The following ASTN1 variants were observed in gnomAD, a reference collection of about 807,000 sequenced individuals.
ASTN1 encodes the protein astrotactin 1, also known as astrotactin-1.
A neutral mutation model predicts 140.7 loss-of-function variants in ASTN1; 41 were observed. That is an observed-to-expected ratio of 0.29 (90% CI 0.23 to 0.38). ASTN1 has a LOEUF of 0.38. Ranked by LOEUF, ASTN1 falls within the 10% of genes least tolerant of loss-of-function variation. The pLI, the probability that ASTN1 is intolerant of heterozygous loss-of-function variation, is 1.00. For missense variants in ASTN1, 1,479 were observed against 1,678.8 expected (o/e 0.88, Z 2.08); for synonymous variants, 640 against 652.2 (o/e 0.98, Z 0.29).
At chr1:177,064,444 TA>T (rs1389562893) in intron 1 of ASTN1, among the ~76,000 whole-genome samples, 1 of 152,186 alleles carries the variant, frequency 6.6e-6, no homozygotes, top group African/African-American at 2.4e-5. Flanking sequence ...CCATACCTAT[TA>T]GCAGTCCAAG....
intron 1 of ASTN1, among the ~76,000 whole-genome samples, chr1:177,156,606 A>G (rs1185355085): frequency 6.6e-6 from 1 of 152,234 alleles, no homozygotes; most frequent in Non-Finnish European, 1.5e-5. Context: ...GGAAGAAAAG[A>G]AAAAATTCTC....
intron 8 of ASTN1, among the ~76,000 whole-genome samples, chr1:177,006,872 G>A (rs1408469045): frequency 6.6e-6 from 1 of 152,154 alleles, no homozygotes; most frequent in Non-Finnish European, 1.5e-5. Context: ...TCAGTCTTGG[G>A]AAAGCGGGAT....
chr1:176,964,696 G>C (rs1672801063), intron 9 of ASTN1, among the ~76,000 whole-genome samples: 1 of 152,134 alleles, frequency 6.6e-6, no homozygotes, highest in Admixed American at 6.6e-5. Flanking sequence ...GAAGGCAGGG[G>C]CGGGAGAGAT....
chr1:177,162,108 C>G lies in ASTN1; in HGVS notation c.283+2286G>C, dbSNP rs554431679. Among the ~76,000 whole-genome samples, 4 of 152,230 alleles carry G rather than the reference C, an allele frequency of 2.6e-5. No homozygotes were observed. The South Asian group carries it at 6.2e-4, about 24-fold the overall frequency. On this transcript the variant is annotated intron_variant, in intron 1 of 22. Transcript: ENST00000361833. ...TCCAAAGATAGGAGTAGGGAAATCT[C>G]AAAACCAAAGTCACTACAGCCCTCA... is the stretch of plus-strand genomic sequence containing the variant.
intron 2 of ASTN1, among the ~76,000 whole-genome samples, chr1:177,036,754 G>T (rs1368797892): frequency 6.6e-6 from 1 of 152,136 alleles, no homozygotes; most frequent in Non-Finnish European, 1.5e-5. Context: ...TGAGGACTTG[G>T]CTCACATTCA....
chr1:177,149,254 GTAAA>G (rs1682881639), intron 1 of ASTN1, among the ~76,000 whole-genome samples: 1 of 91,904 alleles, frequency 1.1e-5, no homozygotes, highest in African/African-American at 4.9e-5. Context: ...ACTATATATA[GTAAA>G]TATATATATA....
At chr1:177,067,181 G>A (rs1171282709) in intron 1 of ASTN1, among the ~76,000 whole-genome samples, 1 of 152,054 alleles carries the variant, frequency 6.6e-6, no homozygotes, top group African/African-American at 2.4e-5. Context: ...ACTCCTATGA[G>A]GGGATAGGAT....
intron 13 of ASTN1, among the ~76,000 whole-genome samples, chr1:176,945,061 C>T (rs946664043): frequency 3.9e-5 from 6 of 152,132 alleles, no homozygotes; most frequent in African/African-American, 1.2e-4. Context: ...TCCTCATCAT[C>T]ATCTCCCAGA....
intron 1 of ASTN1, among the ~76,000 whole-genome samples, chr1:177,119,311 T>C (rs1411339672): frequency 1.3e-5 from 2 of 152,232 alleles, no homozygotes; most frequent in Admixed American, 6.5e-5. Flanking sequence ...AGCTTTTTAA[T>C]GTCAAGGAAG....
Position 176,862,136 on chromosome 1 carries a change from G to A in ASTN1, c.*2148C>T, listed in dbSNP as rs1667986709. 3 of 985,436 alleles carry A rather than the reference G, an allele frequency of 3.0e-6. No homozygotes were observed. The highest frequency in any genetic ancestry group is 3.6e-6 in the Non-Finnish European group (3 of 829,932). 61.0% of individuals were successfully genotyped at this position (985,436 alleles called of 1,614,324 possible). ...CTTCTCTGGCAATGGTGAAATATTT[G>A]CCCCTTGAGGCACTTTAACTGAGGC... is the stretch of plus-strand genomic sequence containing the variant. On this transcript the variant is annotated 3_prime_UTR_variant, in exon 23 of 23. Transcript: ENST00000361833.
At chr1:176,984,687 A>G (rs1673803023) in intron 8 of ASTN1, among the ~76,000 whole-genome samples, 1 of 152,162 alleles carries the variant, frequency 6.6e-6, no homozygotes, top group African/African-American at 2.4e-5. Context: ...TTCTGATTTG[A>G]GCTAAAATCT....
intron 16 of ASTN1, among the ~76,000 whole-genome samples, chr1:176,918,566 TG>T (rs1557959267): frequency 1.3e-5 from 2 of 152,206 alleles, no homozygotes; most frequent in African/African-American, 4.8e-5. Context: ...CCTCTTCCTC[TG>T]CTCTTCCCTC....
chr1:176,899,337 A>T (rs1264402892), intron 16 of ASTN1, among the ~76,000 whole-genome samples: 2 of 152,152 alleles, frequency 1.3e-5, no homozygotes, highest in African/African-American at 2.4e-5. Flanking sequence ...TGAGGGTGAC[A>T]AAAGTGACCG....
At chr1:177,164,343 G>A (rs2102274195) in intron 1 of ASTN1, 51 bp downstream of exon 1, 2 of 1,468,024 alleles carry the variant, frequency 1.4e-6, no homozygotes, top group African/African-American at 1.5e-5. Context: ...AGTGGGGGGT[G>A]GGGGCGCCGG....
At chr1:177,154,639 A>C (rs1044718876) in intron 1 of ASTN1, among the ~76,000 whole-genome samples, 7 of 151,824 alleles carry the variant, frequency 4.6e-5, no homozygotes, top group Admixed American at 3.3e-4. Flanking sequence ...ACATTAACAC[A>C]GAACAACTAT....
intron 8 of ASTN1, among the ~76,000 whole-genome samples, chr1:176,996,289 TCACA>T (rs372443740): frequency 4.7e-4 from 61 of 129,416 alleles, no homozygotes; most frequent in Non-Finnish European, 7.9e-4. Flanking sequence ...TCTCTCTCTC[TCACA>T]CACACACACA....
chr1:177,163,226 A>G lies in ASTN1; in HGVS notation c.283+1168T>C, dbSNP rs1647491278. 2.0e-5 allele frequency among the ~76,000 whole-genome samples: 3 copies of G among 152,108 alleles called. No individual in the cohort carries two copies. The South Asian group carries it at 6.2e-4, about 32-fold the overall frequency. On this transcript the variant is annotated intron_variant, in intron 1 of 22. Transcript: ENST00000361833. ...AAGTAAATGGAACAGCCTCCTAGAC[A>G]TTTTCTTTTTTTCTCTACTTGGATC...
chr1:176,966,870 CTTAA>C (rs968511943), intron 8 of ASTN1, among the ~76,000 whole-genome samples: 337 of 151,628 alleles, frequency 2.2e-3, no homozygotes, highest in African/African-American at 6.9e-3. Context: ...TTATTTCTCC[CTTAA>C]TTAATATTGA....
chr1:176,894,862 G>A, intron 16 of ASTN1, 32 bp from the exon 17 acceptor site: 1 of 1,609,864 alleles, frequency 6.2e-7, no homozygotes, highest in Non-Finnish European at 8.5e-7. Flanking sequence ...AAACAGTGAA[G>A]GAGTCAAAAA....
Sources: allele counts gnomAD v4.1 joint callset (sites outside exome capture counted in the v4.1 genomes callset), GRCh38; gene constraint gnomAD v4.1.1; transcripts MANE v1.5; gene names NCBI Gene and HGNC (gene_info 2026-07-23, HGNC 2026-07-21).